SHROOM2: variants seen among roughly 807,000 people sequenced by gnomAD.
SHROOM2 encodes protein Shroom2.
Under a neutral mutation model 75.9 loss-of-function variants are expected in SHROOM2, and 33 were observed. That is an observed-to-expected ratio of 0.43 (90% CI 0.33 to 0.58). The LOEUF is 0.58. Ranked by LOEUF, SHROOM2 falls within the 20% of genes least tolerant of loss-of-function variation. The pLI is 0.04. For synonymous variants in SHROOM2, 655 were observed against 663.6 expected (o/e 0.99, Z 0.20); for missense variants, 1,434 against 1,461.2 (o/e 0.98, Z 0.30).
At chrX:9,816,631 TG>T (rs2083824095) in intron 1 of SHROOM2, among the ~76,000 whole-genome samples, 1 of 99,791 alleles carries the variant, frequency 1.0e-5, no homozygotes, top group African/African-American at 3.6e-5. Flanking sequence ...AGCAGGAGCA[TG>T]GGAGTCTTTC....
At chrX:9,930,525 G>GA (rs747609667) in intron 5 of SHROOM2, among the ~76,000 whole-genome samples, 1 of 96,133 alleles carries the variant, frequency 1.0e-5, no homozygotes, top group Non-Finnish European at 2.1e-5. Flanking sequence ...AAAAAGAAAA[G>GA]AAAGAAAGAA....
At position 9,896,445 on chromosome X, in the gene SHROOM2, C is replaced by T; in HGVS notation, c.2537C>T (p.Thr846Ile). 1.7e-6 allele frequency: 2 copies of T among 1,211,838 alleles called. No homozygotes were observed. The highest frequency in any genetic ancestry group is 2.2e-6 in the Non-Finnish European group (2 of 895,487). Residue 846 changes from threonine to isoleucine, a missense_variant, in exon 4 of 10, where the codon ACC becomes ATC. By Grantham distance (89) the Thr-to-Ile change is moderately conservative. Around this residue, in one of 3 missense-constraint regions of SHROOM2, gnomAD observed 1,340 missense variants for 1,338.3 expected, o/e 1.00. Coordinates refer to ENST00000380913, the MANE Select transcript of SHROOM2 (RefSeq NM_001649.4). ...GGCACGGAGCCCTGGTCGCGCACCA[C>T]CTCCCTTGGGGACAGCCTCAACGCT... ...CEGTEPWSRTTSLGDSLNAHS... is the reference protein window; with the variant it reads ...CEGTEPWSRTISLGDSLNAHS...
chrX:9,872,797 A>G (rs2084178526), intron 1 of SHROOM2, among the ~76,000 whole-genome samples: 1 of 112,114 alleles, frequency 8.9e-6, no homozygotes, highest in Admixed American at 9.5e-5. Context: ...GTAAAACGGT[A>G]CAGCTGCTGT....
chrX:9,824,152 G>A (rs986648090), intron 1 of SHROOM2, among the ~76,000 whole-genome samples: 2 of 110,809 alleles, frequency 1.8e-5, no homozygotes, highest in Non-Finnish European at 3.8e-5. Context: ...AATTAAGGTC[G>A]GCCGGGTGCT....
At chrX:9,797,102 A>ATGCTGCCTGCCCGAGTCCT (rs1280130200) in intron 1 of SHROOM2, among the ~76,000 whole-genome samples, 1 of 112,461 alleles carries the variant, frequency 8.9e-6, no homozygotes, top group Non-Finnish European at 1.9e-5. Flanking sequence ...TGTGGCAGAA[A>ATGCTGCCTGCCCGAGTCCT]TGCTGCCTGC....
At chrX:9,889,995 CTTTA>C (rs1181027266) in intron 2 of SHROOM2, among the ~76,000 whole-genome samples, 1 of 112,626 alleles carries the variant, frequency 8.9e-6, no homozygotes, top group Non-Finnish European at 1.9e-5. Flanking sequence ...AATAAATGTT[CTTTA>C]TTTATTTTTA....
intron 2 of SHROOM2, among the ~76,000 whole-genome samples, chrX:9,881,905 A>G (rs2084233452): frequency 8.9e-6 from 1 of 112,147 alleles, no homozygotes; most frequent in Non-Finnish European, 1.9e-5. Context: ...CTCTTCTAGT[A>G]CCTTGAGTAA....
chrX:9,830,327 A>C (rs1367758842), intron 1 of SHROOM2, among the ~76,000 whole-genome samples: 1 of 110,977 alleles, frequency 9.0e-6, no homozygotes, highest in Non-Finnish European at 1.9e-5. Context: ...TCTTTTTGCC[A>C]TGTACACGGA....
At chrX:9,901,407 C>G (rs993223996) in intron 5 of SHROOM2, among the ~76,000 whole-genome samples, 3 of 112,104 alleles carry the variant, frequency 2.7e-5, no homozygotes, top group Non-Finnish European at 5.6e-5. Flanking sequence ...GTAACCACTT[C>G]TACCTGCTGT....
At position 9,804,502 on chromosome X, in the gene SHROOM2, A is replaced by G. The variant is rs762066111; in HGVS notation, c.165+17792A>G. On this transcript the variant is annotated intron_variant, in intron 1 of 9. Coordinates refer to ENST00000380913, the MANE Select transcript of SHROOM2 (RefSeq NM_001649.4). ...TCCGTTGCTTGCAACCAAGAAAACC[A>G]TAGCCTGAAACAGCCTAGTAGGAAG... Among the ~76,000 whole-genome samples the G allele has an allele frequency of 4.4e-5, 5 of 112,402 alleles. No individual in the cohort carries two copies. The South Asian group carries it at 1.8e-3, about 41-fold the overall frequency.
At chrX:9,907,731 G>T (rs1314579171) in intron 5 of SHROOM2, among the ~76,000 whole-genome samples, 1 of 111,980 alleles carries the variant, frequency 8.9e-6, no homozygotes, top group Non-Finnish European at 1.9e-5. Context: ...CTTTAGTCAG[G>T]GGTTAGCAAA....
At chrX:9,838,801 C>G (rs1171598800) in intron 1 of SHROOM2, among the ~76,000 whole-genome samples, 3 of 112,012 alleles carry the variant, frequency 2.7e-5, no homozygotes, top group African/African-American at 9.7e-5. Context: ...AGAGGTTTAA[C>G]TTCTGTGTGA....
At chrX:9,887,018 G>T (rs775738608) in intron 2 of SHROOM2, among the ~76,000 whole-genome samples, 1 of 112,292 alleles carries the variant, frequency 8.9e-6, no homozygotes, top group Non-Finnish European at 1.9e-5. Context: ...AATGATTTTG[G>T]TCCAGGAACG....
At chrX:9,815,468 GTGTGTGTGTGTGTA>G (rs1189674779) in intron 1 of SHROOM2, among the ~76,000 whole-genome samples, 44 of 104,869 alleles carry the variant, frequency 4.2e-4, no homozygotes, top group African/African-American at 1.4e-3. Context: ...GTGTGTGTGT[GTGTGTGTGTGTGTA>G]TATAATATCT....
chrX:9,861,562 G>T (rs1441646050), intron 1 of SHROOM2, among the ~76,000 whole-genome samples: 2 of 112,229 alleles, frequency 1.8e-5, no homozygotes, highest in Non-Finnish European at 3.8e-5. Context: ...GAGTGGAGCA[G>T]CATAGCCTAG....
chrX:9,801,095 T>C (rs762545128), intron 1 of SHROOM2, among the ~76,000 whole-genome samples: 1 of 111,668 alleles, frequency 9.0e-6, no homozygotes, highest in Non-Finnish European at 1.9e-5. Flanking sequence ...CTCACCATCA[T>C]GGCAGAAGAA....
At position 9,896,025 on chromosome X, in the gene SHROOM2, C is replaced by G. The variant is rs763855773; in HGVS notation, c.2117C>G (p.Pro706Arg). The part of the protein sequence containing the change: ...SFKRRDLDPN[P>R]GDLYPESLEH... Reference sequence around the variant, plus strand: ...AAGCGCCGCGACTTGGACCCCAACCCAGGAGACCTATACCCGGAGTCACTG... The same window carrying G: ...AAGCGCCGCGACTTGGACCCCAACCGAGGAGACCTATACCCGGAGTCACTG... Residue 706 changes from proline (P) to arginine (R), a missense_variant, in exon 4 of 10, where the codon CCA becomes CGA. By Grantham distance (103) the Pro-to-Arg change is moderately radical. Transcript: ENST00000380913. The G allele has an allele frequency of 2.5e-6, 3 of 1,210,591 alleles. No individual in the cohort carries two copies. The highest frequency in any genetic ancestry group is 1.8e-5 in the South Asian group (1 of 56,785).
chrX:9,821,204 G>A (rs973492362), intron 1 of SHROOM2, among the ~76,000 whole-genome samples: 5 of 112,253 alleles, frequency 4.5e-5, no homozygotes, highest in Admixed American at 1.9e-4. Flanking sequence ...CTACAGAGAT[G>A]TGGCCTGTCT....
chrX:9,926,121 A>T (rs1375602013), intron 5 of SHROOM2, among the ~76,000 whole-genome samples: 1 of 111,718 alleles, frequency 9.0e-6, no homozygotes, highest in Non-Finnish European at 1.9e-5. Flanking sequence ...CAGGGCCTTT[A>T]TCTGCTGCTA....
Sources: gnomAD v4.1 joint callset for allele counts (sites outside exome capture counted in the v4.1 genomes callset) on GRCh38, gnomAD v4.1.1 for gene constraint, gnomAD v4.1.1 regional missense constraint, MANE v1.5 for transcripts, NCBI Gene and HGNC (gene_info 2026-07-23, HGNC 2026-07-21) for gene names.